The following BANK1 variants were observed in gnomAD, a reference collection of about 807,000 sequenced individuals.
BANK1 encodes B cell scaffold protein with ankyrin repeats 1, also known as B-cell scaffold protein with ankyrin repeats.
A neutral mutation model predicts 94.5 loss-of-function variants in BANK1; 95 were observed. The observed-to-expected ratio is 1.00, with a 90% confidence interval of 0.85 to 1.19. The LOEUF (loss-of-function observed/expected upper bound fraction) is 1.19. Ranked by LOEUF, BANK1 falls within the 50% of genes most tolerant of loss-of-function variation. BANK1 has a pLI of 0.00. For missense variants in BANK1, 987 were observed against 932.2 expected (o/e 1.06, Z -0.77); for synonymous variants, 334 against 308.4 (o/e 1.08, Z -0.87).
At chr4:102,059,917 G>A (rs540197450) in intron 11 of BANK1, among the ~76,000 whole-genome samples, 1 of 152,270 alleles carries the variant, frequency 6.6e-6, no homozygotes, top group South Asian at 2.1e-4. Flanking sequence ...CTCAGAAACA[G>A]AAGACAAAAT....
At chr4:101,916,454 G>A (rs866610646) in intron 6 of BANK1, among the ~76,000 whole-genome samples, 2 of 151,920 alleles carry the variant, frequency 1.3e-5, no homozygotes, top group Non-Finnish European at 1.5e-5. Context: ...TTAAATTCTT[G>A]TTTAATGCTT....
intron 1 of BANK1, among the ~76,000 whole-genome samples, chr4:101,827,927 C>G (rs1726427447): frequency 6.6e-6 from 1 of 151,770 alleles, no homozygotes; most frequent in African/African-American, 2.4e-5. Context: ...TATCTATTGT[C>G]TTCCTATAAA....
At chr4:101,907,278 A>C (rs1197216398) in intron 6 of BANK1, among the ~76,000 whole-genome samples, 1 of 152,254 alleles carries the variant, frequency 6.6e-6, no homozygotes, top group Non-Finnish European at 1.5e-5. Context: ...GTAATCCAGC[A>C]TATAAACAGA....
intron 6 of BANK1, among the ~76,000 whole-genome samples, chr4:101,912,434 A>G (rs1184121978): frequency 6.6e-6 from 1 of 152,012 alleles, no homozygotes; most frequent in East Asian, 1.9e-4. Context: ...CAAAGCCGCC[A>G]CAGCATCTGC....
At chr4:101,917,922 T>C (rs1722878776) in intron 6 of BANK1, 71 bp from the exon 7 acceptor site, 4 of 1,089,720 alleles carry the variant, frequency 3.7e-6, no homozygotes, top group African/African-American at 1.6e-5. Context: ...AGGAGCAGAT[T>C]GTGTTAGACC....
intron 6 of BANK1, among the ~76,000 whole-genome samples, chr4:101,908,139 TA>T (rs1316485843): frequency 6.6e-6 from 1 of 152,180 alleles, no homozygotes; most frequent in East Asian, 1.9e-4. Context: ...GGCATCACAC[TA>T]CCTGACTTCA....
chr4:101,829,654 T>C (rs1348837790), intron 1 of BANK1, among the ~76,000 whole-genome samples, 154 bp from the exon 2 acceptor site: 1 of 152,140 alleles, frequency 6.6e-6, no homozygotes, highest in Non-Finnish European at 1.5e-5. Context: ...ATTTAATCTA[T>C]GATTTTTTAT....
rs375466671 is a variant in BANK1 at position 102,045,677 on chromosome 4, G to A, written c.1969+1770G>A. The stretch of plus-strand genomic sequence containing the variant: ...ACAAACAGAGAGCCAAATCATGAGT[G>A]AACTCCCATTCACAATTGCTTCAAA... On this transcript the variant is annotated intron_variant, in intron 11 of 16. Coordinates refer to ENST00000322953, the MANE Select transcript of BANK1 (RefSeq NM_017935.5). Among the ~76,000 whole-genome samples the A allele has an allele frequency of 2.7e-4, 41 of 151,884 alleles. No homozygotes were observed. The East Asian group carries it at 3.1e-3, about 11-fold the overall frequency.
intron 9 of BANK1, among the ~76,000 whole-genome samples, chr4:102,027,180 AAATT>A (rs1727133739): frequency 6.6e-6 from 1 of 152,194 alleles, no homozygotes; most frequent in Non-Finnish European, 1.5e-5. Context: ...TGTTATAACA[AAATT>A]AATTGTCAAG....
intron 7 of BANK1, among the ~76,000 whole-genome samples, chr4:101,939,552 TAG>T (rs1216393689): frequency 6.6e-6 from 1 of 151,382 alleles, no homozygotes; most frequent in East Asian, 2.0e-4. Flanking sequence ...GGCAGGGGAG[TAG>T]AGAGACAGAG....
At chr4:102,052,468 C>T (rs945343652) in intron 11 of BANK1, among the ~76,000 whole-genome samples, 1 of 151,794 alleles carries the variant, frequency 6.6e-6, no homozygotes, top group Non-Finnish European at 1.5e-5. Flanking sequence ...ACTAAAACTA[C>T]TCCAGAAGAA....
In BANK1 at chr4:101,984,100, T is replaced by C. The variant is rs1185006099; in HGVS notation, c.1207-37414T>C. On this transcript the variant is annotated intron_variant, in intron 7 of 16. Transcript: ENST00000322953. ...GTGTAGATAAGCAGAGAATTTCATT[T>C]ATATTACAAGAAACTAAACATTTAT... is the stretch of plus-strand genomic sequence containing the variant. Among the ~76,000 whole-genome samples the C allele has an allele frequency of 2.6e-5, 4 of 151,962 alleles. No individual in the cohort carries two copies. The East Asian group carries it at 7.8e-4, about 29-fold the overall frequency.
intron 7 of BANK1, among the ~76,000 whole-genome samples, chr4:102,015,272 G>A (rs1294984968): frequency 1.3e-5 from 2 of 151,036 alleles, no homozygotes; most frequent in Non-Finnish European, 3.0e-5. Context: ...TGCTTTTTTT[G>A]GTATCTTTTT....
intron 7 of BANK1, among the ~76,000 whole-genome samples, chr4:101,988,001 A>T (rs1217947163): frequency 6.6e-6 from 1 of 152,154 alleles, no homozygotes; most frequent in East Asian, 1.9e-4. Context: ...TGAGTCCCAG[A>T]ATAACCATGA....
chr4:101,934,061 A>G (rs1723447955), intron 7 of BANK1, among the ~76,000 whole-genome samples: 1 of 151,404 alleles, frequency 6.6e-6, no homozygotes, highest in Non-Finnish European at 1.5e-5. Context: ...GCCACTAGCA[A>G]GCTTCACAGG....
chr4:102,053,623 A>C (rs1416305292), intron 11 of BANK1, among the ~76,000 whole-genome samples: 2 of 151,970 alleles, frequency 1.3e-5, no homozygotes, highest in African/African-American at 4.8e-5. Context: ...TATTAACCAA[A>C]ACATATTCTA....
chr4:102,024,171 C>A (rs186566611), intron 8 of BANK1, among the ~76,000 whole-genome samples: 13 of 152,238 alleles, frequency 8.5e-5, no homozygotes, highest in Non-Finnish European at 1.5e-4. Context: ...CAGTGTAATT[C>A]TTCATTTTAA....
intron 7 of BANK1, among the ~76,000 whole-genome samples, chr4:101,948,480 C>A (rs951046403): frequency 1.3e-5 from 2 of 152,060 alleles, no homozygotes; most frequent in Middle Eastern, 3.2e-3. Flanking sequence ...TGGCTTCATC[C>A]TAAAGGGCAA....
chr4:101,917,184 T>C (rs892985488), intron 6 of BANK1, among the ~76,000 whole-genome samples: 2 of 152,044 alleles, frequency 1.3e-5, no homozygotes, highest in Admixed American at 1.3e-4. Context: ...TCTGTGGCTA[T>C]AAGACTTCAC....
Sources: gnomAD v4.1 joint callset for allele counts (sites outside exome capture counted in the v4.1 genomes callset) on GRCh38, gnomAD v4.1.1 for gene constraint, MANE v1.5 for transcripts, NCBI Gene and HGNC (gene_info 2026-07-23, HGNC 2026-07-21) for gene names.